The following ENPP2 variants were observed in gnomAD, a reference collection of about 807,000 sequenced individuals.
ENPP2 encodes the protein ectonucleotide pyrophosphatase/phosphodiesterase 2, also known as autotaxin.
A neutral mutation model predicts 120.2 loss-of-function variants in ENPP2; 51 were observed. The observed-to-expected ratio is 0.42, with a 90% confidence interval of 0.34 to 0.54. The LOEUF (loss-of-function observed/expected upper bound fraction) is 0.54, where lower values mean the gene tolerates loss of function less well. Ranked by LOEUF, ENPP2 falls within the 20% of genes least tolerant of loss-of-function variation. The pLI is 0.04. For missense variants in ENPP2, 920 were observed against 1,066.5 expected (o/e 0.86, Z 1.91); for synonymous variants, 365 against 366.4 (o/e 1.00, Z 0.04).
At chr8:119,571,395 G>T (rs1037495815) in intron 19 of ENPP2, 1 of 152,192 alleles carries the variant, frequency 6.6e-6, no homozygotes, top group African/African-American at 2.4e-5. Context: ...AAAGGAACAT[G>T]TATAGATAAA....
chr8:119,673,086 G>A (rs1423493514), intron 1 of ENPP2, among the ~76,000 whole-genome samples: 1 of 152,196 alleles, frequency 6.6e-6, no homozygotes, highest in Admixed American at 6.5e-5. Flanking sequence ...CCGCATTTGC[G>A]CGCCTGCAAA....
intron 1 of ENPP2, among the ~76,000 whole-genome samples, chr8:119,668,101 G>A (rs958341701): frequency 6.6e-6 from 1 of 152,066 alleles, no homozygotes; most frequent in African/African-American, 2.4e-5. Context: ...CTTCTCAGGT[G>A]GTTTCACGAG....
At position 119,557,641 on chromosome 8, in the gene ENPP2, T is replaced by A. The variant is rs148415702; in HGVS notation, c.2472A>T (p.Thr824=). 98 of 1,602,544 alleles carry A rather than the reference T, an allele frequency of 6.1e-5. No individual in the cohort carries two copies. Among genetic ancestry groups the A allele is most frequent in the Non-Finnish European group, 7.5e-5 (88 of 1,176,792 alleles). The change falls in exon 25 of 25, where the codon ACA becomes ACT. Residue 824 remains threonine, a synonymous_variant. Coordinates refer to ENST00000075322, the MANE Select transcript of ENPP2 (RefSeq NM_001040092.3). The part of the protein sequence containing the change: ...KWVEELMKMH[T]ARVRDIEHLT... ...GATGTTCAATGTCACGCACCCTAGCTGTGTGCATCTTCATGAGTTCTTCTA... is the reference window on the plus strand; with the variant it reads ...GATGTTCAATGTCACGCACCCTAGCAGTGTGCATCTTCATGAGTTCTTCTA...
chr8:119,667,329 T>C (rs1243063788), intron 1 of ENPP2, among the ~76,000 whole-genome samples: 2 of 152,214 alleles, frequency 1.3e-5, no homozygotes, highest in Non-Finnish European at 1.5e-5. Flanking sequence ...TAAATTTCTC[T>C]GTGACAAAGA....
chr8:119,622,562 G>T (rs896726487), intron 3 of ENPP2, among the ~76,000 whole-genome samples: 38 of 152,270 alleles, frequency 2.5e-4, no homozygotes, highest in African/African-American at 8.7e-4. Context: ...TTTTTCATCT[G>T]CTAGAGTGTA....
chr8:119,577,981 T>A (rs1812461437), intron 19 of ENPP2, among the ~76,000 whole-genome samples: 1 of 152,216 alleles, frequency 6.6e-6, no homozygotes, highest in South Asian at 2.1e-4. Flanking sequence ...GAGTCAGTGA[T>A]TCACTAAGAA....
intron 3 of ENPP2, among the ~76,000 whole-genome samples, 160 bp downstream of exon 3, chr8:119,626,405 T>C (rs1391392651): frequency 1.3e-5 from 2 of 152,144 alleles, no homozygotes; most frequent in African/African-American, 2.4e-5. Flanking sequence ...GTCATTGACA[T>C]AGGGTATGCT....
At position 119,590,637 on chromosome 8, in the gene ENPP2, G is replaced by A. The variant is rs199761029; in HGVS notation, c.1082-7C>T. On this transcript the variant is annotated splice_polypyrimidine_tract_variant and splice_region_variant and intron_variant, in intron 12 of 24. Coordinates refer to ENST00000075322, the MANE Select transcript of ENPP2 (RefSeq NM_001040092.3). ...CATGTGACATCTTCCATTCCTATGG[G>A]GAGGGAGAAAAAGAATATTTTCAGG... 3.4e-6 allele frequency: 5 copies of A among 1,478,920 alleles called. No individual in the cohort carries two copies. The highest frequency in any genetic ancestry group is 2.6e-5 in the East Asian group (1 of 38,810). The allele number at this position is 1,478,920 out of a possible 1,614,324, so 91.6% of individuals were successfully genotyped here. A position where few individuals can be genotyped will look rare whatever the true frequency, so the allele number is the denominator to read the frequency against.
chr8:119,590,252 C>T (rs1257971451), intron 13 of ENPP2, among the ~76,000 whole-genome samples: 1 of 152,146 alleles, frequency 6.6e-6, no homozygotes, highest in East Asian at 1.9e-4. Flanking sequence ...TTATATAATG[C>T]TACTATGTGC....
At chr8:119,576,296 C>T (rs529404904) in intron 19 of ENPP2, among the ~76,000 whole-genome samples, 4 of 152,276 alleles carry the variant, frequency 2.6e-5, no homozygotes, top group African/African-American at 7.2e-5. Flanking sequence ...TGCCACGATG[C>T]CCAGCTAATT....
chr8:119,606,581 T>C (rs983355604), intron 9 of ENPP2, among the ~76,000 whole-genome samples: 1 of 151,452 alleles, frequency 6.6e-6, no homozygotes, highest in Non-Finnish European at 1.5e-5. Flanking sequence ...CTACCTACAC[T>C]TACTTCTCAG....
chr8:119,568,067 C>T (rs534643810), intron 22 of ENPP2, 108 bp downstream of exon 22: 1 of 711,178 alleles, frequency 1.4e-6, no homozygotes, highest in African/African-American at 1.8e-5. Context: ...AGGTTAAACA[C>T]ATGAAAAGTA....
intron 22 of ENPP2, among the ~76,000 whole-genome samples, chr8:119,566,659 C>G (rs942031698): frequency 1.3e-5 from 2 of 152,172 alleles, no homozygotes; most frequent in African/African-American, 2.4e-5. Context: ...ACAGCAAGCT[C>G]TCTATGAAAG....
At chr8:119,582,828 C>T (rs1174863075) in intron 17 of ENPP2, among the ~76,000 whole-genome samples, 1 of 152,136 alleles carries the variant, frequency 6.6e-6, no homozygotes, top group African/African-American at 2.4e-5. Flanking sequence ...CATTGCCTGA[C>T]CATGAATAGA....
At chr8:119,559,635 G>C (rs539264682) in intron 24 of ENPP2, among the ~76,000 whole-genome samples, 6 of 152,336 alleles carry the variant, frequency 3.9e-5, no homozygotes, top group Admixed American at 2.0e-4. Flanking sequence ...GATGAAGACT[G>C]TGCTGCAAGA....
At chr8:119,595,883 C>CTTCTTCTTTT in intron 11 of ENPP2, 3 of 1,614,054 alleles carry the variant, frequency 1.9e-6, no homozygotes, top group Non-Finnish European at 2.5e-6. Flanking sequence ...AATGATCCAT[C>CTTCTTCTTTT]CTATGTATTT....
intron 11 of ENPP2, among the ~76,000 whole-genome samples, chr8:119,597,196 TTTTG>T (rs1162648767): frequency 2.6e-5 from 4 of 152,182 alleles, no homozygotes; most frequent in Non-Finnish European, 5.9e-5. Context: ...AAGACTTTGG[TTTTG>T]TTTGTTTGTT....
chr8:119,587,798 G>A (rs1813217994), intron 13 of ENPP2, among the ~76,000 whole-genome samples: 1 of 152,176 alleles, frequency 6.6e-6, no homozygotes, highest in African/African-American at 2.4e-5. Context: ...GGAGATTGTA[G>A]GTTGCTTGGA....
chr8:119,562,395 A>G (rs1427372726), intron 24 of ENPP2, among the ~76,000 whole-genome samples: 2 of 152,228 alleles, frequency 1.3e-5, no homozygotes, highest in Non-Finnish European at 2.9e-5. Context: ...GTGAGCCAAG[A>G]TCAAACCACT....
Sources: gnomAD v4.1 joint callset for allele counts (sites outside exome capture counted in the v4.1 genomes callset) on GRCh38, gnomAD v4.1.1 for gene constraint, MANE v1.5 for transcripts, NCBI Gene and HGNC (gene_info 2026-07-23, HGNC 2026-07-21) for gene names.